The following RBFOX1 variants were observed in gnomAD, a reference collection of about 807,000 sequenced individuals.
RBFOX1 encodes RNA binding protein fox-1 homolog 1.
In RBFOX1, 8 loss-of-function variants were observed where a neutral mutation model predicts 57.7. The ratio of observed to expected loss-of-function variants is 0.14; its 90% CI spans 0.08 to 0.25. The LOEUF (loss-of-function observed/expected upper bound fraction) is 0.25, where lower values mean the gene tolerates loss of function less well. RBFOX1 is among the 10% of genes least tolerant of loss of function. The probability of loss-of-function intolerance (pLI) is 1.00; values close to 1 mark genes in which losing one functional copy is unlikely to be tolerated. For missense variants in RBFOX1, 611 were observed against 548.5 expected (o/e 1.11, Z -1.14); for synonymous variants, 326 against 222.4 (o/e 1.47, Z -4.15).
chr16:7,536,199 C>G (rs1465575001), intron 5 of RBFOX1, among the ~76,000 whole-genome samples: 1 of 152,202 alleles, frequency 6.6e-6, no homozygotes, highest in Admixed American at 6.5e-5. Flanking sequence ...GCAAAAACTT[C>G]TGTGAAGGAA....
intron 2 of RBFOX1, among the ~76,000 whole-genome samples, chr16:6,496,821 G>A (rs553248513): frequency 1.3e-5 from 2 of 152,214 alleles, no homozygotes; most frequent in Admixed American, 1.3e-4. Context: ...TTGGCCTGGT[G>A]TGATGGCGGG....
In RBFOX1 at chr16:6,974,336, C is replaced by CTTTTTTTTT. The variant is rs59299498; in HGVS notation, c.-15-77703_-15-77695dup. Among the ~76,000 whole-genome samples, 61 of 58,682 alleles carry CTTTTTTTTT rather than the reference C, an allele frequency of 1.0e-3. 1 individual carries two copies. The highest frequency in any genetic ancestry group is 1.4e-3 in the Non-Finnish European group (45 of 32,726). The allele number at this position is 58,682 out of a possible 152,430, so 38.5% of individuals were successfully genotyped here. ...ATATAAATCACATTTTTTTCTTTTT[C>CTTTTTTTTT]TTTTTTTTTTTTTTTTTTTTTTTTT... On this transcript the variant is annotated intron_variant, in intron 3 of 15. Transcript: ENST00000550418.
intron 5 of RBFOX1, among the ~76,000 whole-genome samples, chr16:7,562,579 A>T (rs1032034963): frequency 2.6e-5 from 4 of 152,208 alleles, no homozygotes; most frequent in Non-Finnish European, 5.9e-5. Flanking sequence ...CATCCATGGA[A>T]GCCACCAGTG....
At chr16:5,464,899 C>T (rs991327336) in intron 1 of RBFOX1, among the ~76,000 whole-genome samples, 3 of 152,160 alleles carry the variant, frequency 2.0e-5, no homozygotes, top group Non-Finnish European at 4.4e-5. Flanking sequence ...TGTATCTGTT[C>T]AGCCCCTGTG....
chr16:7,017,308 T>C (rs561348434), intron 3 of RBFOX1, among the ~76,000 whole-genome samples: 1 of 152,258 alleles, frequency 6.6e-6, no homozygotes, highest in South Asian at 2.1e-4. Flanking sequence ...AAATTTATAG[T>C]GTACTATAGA....
chr16:7,023,069 C>G (rs1165439816), intron 3 of RBFOX1, among the ~76,000 whole-genome samples: 1 of 152,058 alleles, frequency 6.6e-6, no homozygotes, highest in African/African-American at 2.4e-5. Context: ...TAAGAGAATC[C>G]TATGCAAAAA....
chr16:5,871,432 A>G (rs534408781), intron 4 of RBFOX1, among the ~76,000 whole-genome samples: 152 of 152,324 alleles, frequency 1.0e-3, no homozygotes, highest in African/African-American at 3.3e-3. Flanking sequence ...TTGGCCCTGC[A>G]TGGTTCCATT....
At chr16:7,531,564 C>T (rs975846381) in intron 5 of RBFOX1, among the ~76,000 whole-genome samples, 1 of 152,182 alleles carries the variant, frequency 6.6e-6, no homozygotes, top group Non-Finnish European at 1.5e-5. Flanking sequence ...CTGTCTTACC[C>T]AGTCCATGCT....
At chr16:6,052,850 G>T (rs918100926) in intron 1 of RBFOX1, among the ~76,000 whole-genome samples, 1 of 127,258 alleles carries the variant, frequency 7.9e-6, no homozygotes, top group South Asian at 2.3e-4. Context: ...AATGCCTATG[G>T]CCTGGGGTTG....
At chr16:6,914,634 G>T (rs2072638941) in intron 3 of RBFOX1, among the ~76,000 whole-genome samples, 1 of 152,162 alleles carries the variant, frequency 6.6e-6, no homozygotes, top group African/African-American at 2.4e-5. Flanking sequence ...AGCACTTTGG[G>T]AGGCTGAGGC....
chr16:7,203,008 G>T (rs2089003299), intron 4 of RBFOX1, among the ~76,000 whole-genome samples: 2 of 152,076 alleles, frequency 1.3e-5, no homozygotes, highest in Admixed American at 1.3e-4. Context: ...GGATGGTCTG[G>T]ATCTCCTGAC....
intron 3 of RBFOX1, among the ~76,000 whole-genome samples, chr16:6,781,804 T>C (rs918512368): frequency 6.6e-6 from 1 of 152,176 alleles, no homozygotes; most frequent in Non-Finnish European, 1.5e-5. Flanking sequence ...TTGGACATTC[T>C]CTCTTTTTTC....
At chr16:5,753,975 C>T (rs561097351) in intron 3 of RBFOX1, among the ~76,000 whole-genome samples, 5 of 152,252 alleles carry the variant, frequency 3.3e-5, no homozygotes, top group African/African-American at 9.6e-5. Context: ...AGCCTCTCCA[C>T]GTAGCCTTTC....
intron 3 of RBFOX1, among the ~76,000 whole-genome samples, chr16:6,725,196 A>T (rs1018024262): frequency 5.3e-5 from 8 of 151,138 alleles, no homozygotes; most frequent in African/African-American, 1.9e-4. Flanking sequence ...GACTGCAGGC[A>T]CCCGCCACCA....
chr16:6,359,431 TC>T (rs1449581730), intron 2 of RBFOX1, among the ~76,000 whole-genome samples: 1 of 152,150 alleles, frequency 6.6e-6, no homozygotes, highest in East Asian at 1.9e-4. Context: ...TCTTCATTAC[TC>T]GGTGAAGGTG....
At chr16:6,771,922 G>C (rs1019441583) in intron 3 of RBFOX1, among the ~76,000 whole-genome samples, 4 of 152,102 alleles carry the variant, frequency 2.6e-5, no homozygotes, top group African/African-American at 9.7e-5. Flanking sequence ...GCCGGAAGAG[G>C]TTATCTCCTA....
chr16:7,691,918 A>T (rs1168017301), intron 14 of RBFOX1, among the ~76,000 whole-genome samples: 1 of 152,156 alleles, frequency 6.6e-6, no homozygotes, highest in Non-Finnish European at 1.5e-5. Flanking sequence ...CATTCTGTAA[A>T]TAGAGGTTAT....
chr16:6,956,663 C>G (rs948613261), intron 3 of RBFOX1, among the ~76,000 whole-genome samples: 1 of 152,134 alleles, frequency 6.6e-6, no homozygotes, highest in Non-Finnish European at 1.5e-5. Flanking sequence ...TGATGTTGCT[C>G]CAGTTATCTA....
At chr16:6,080,354 C>G (rs1597100278) in intron 1 of RBFOX1, among the ~76,000 whole-genome samples, 1 of 152,274 alleles carries the variant, frequency 6.6e-6, no homozygotes, top group East Asian at 1.9e-4. Flanking sequence ...GGTTCCAGCT[C>G]TCACCTAAGT....
Sources: allele counts gnomAD v4.1 joint callset (sites outside exome capture counted in the v4.1 genomes callset), GRCh38; gene constraint gnomAD v4.1.1; transcripts MANE v1.5; gene names NCBI Gene and HGNC (gene_info 2026-07-23, HGNC 2026-07-21).